Variants in KSR2 observed in about 807,000 individuals in gnomAD.
KSR2 encodes kinase suppressor of ras 2.
KSR2 carries 25 observed loss-of-function variants against 107.8 expected under a neutral mutation model. The ratio of observed to expected loss-of-function variants is 0.23; its 90% confidence interval spans 0.17 to 0.32. KSR2 has a LOEUF of 0.32. Ranked by LOEUF, KSR2 falls within the 10% of genes least tolerant of loss-of-function variation. The probability of loss-of-function intolerance (pLI) is 1.00; values close to 1 mark genes in which losing one functional copy is unlikely to be tolerated. For missense variants in KSR2, 887 were observed against 1,268.9 expected (o/e 0.70, Z 4.57); for synonymous variants, 480 against 507.0 (o/e 0.95, Z 0.71).
intron 1 of KSR2, among the ~76,000 whole-genome samples, chr12:117,948,373 C>T (rs531770725): frequency 8.0e-4 from 121 of 152,150 alleles, no homozygotes; most frequent in African/African-American, 2.8e-3. Context: ...GCCTGTAACC[C>T]CAGCTACTCG....
intron 3 of KSR2, among the ~76,000 whole-genome samples, chr12:117,817,884 T>C (rs1383839434): frequency 6.6e-6 from 1 of 152,184 alleles, no homozygotes; most frequent in East Asian, 1.9e-4. Flanking sequence ...GTGGATCACT[T>C]GAGGTCAGGA....
In KSR2 at chr12:117,476,487, C is replaced by T; in HGVS notation, c.2559G>A (p.Lys853=). ...DTEEDKLPFS[K]HSDVFALGTI... ...ACCCAAGGGCAAAGACGTCAGAGTGCTTGGAGAAGGGGAGCTTATCCTCCT... is the reference window on the plus strand; with the variant it reads ...ACCCAAGGGCAAAGACGTCAGAGTGTTTGGAGAAGGGGAGCTTATCCTCCT... The change falls in exon 17 of 20, where the codon AAG becomes AAA. Residue 853 remains lysine, a synonymous_variant. Coordinates refer to ENST00000339824, the MANE Select transcript of KSR2 (RefSeq NM_173598.6). The T allele has an allele frequency of 2.5e-6, 4 of 1,604,774 alleles. No homozygotes were observed. Among genetic ancestry groups the T allele is most frequent in the Non-Finnish European group, 3.4e-6 (4 of 1,175,764 alleles).
intron 9 of KSR2, among the ~76,000 whole-genome samples, chr12:117,543,319 T>A (rs1876634761): frequency 6.6e-6 from 1 of 152,354 alleles, no homozygotes; most frequent in East Asian, 1.9e-4. Context: ...GCCTTTCTAA[T>A]TGGAGTGTAG....
chr12:117,843,091 C>T (rs147075854), intron 3 of KSR2, among the ~76,000 whole-genome samples: 2 of 152,210 alleles, frequency 1.3e-5, no homozygotes, highest in East Asian at 1.9e-4. Context: ...AGTGTTTATA[C>T]GAACACAGTG....
At chr12:117,697,731 C>G (rs576722064) in intron 4 of KSR2, among the ~76,000 whole-genome samples, 5 of 140,842 alleles carry the variant, frequency 3.6e-5, no homozygotes, top group Non-Finnish European at 7.6e-5. Context: ...CAGAGCGAGA[C>G]TCCATCTCAA....
At chr12:117,616,589 T>C (rs1324520133) in intron 5 of KSR2, among the ~76,000 whole-genome samples, 1 of 152,210 alleles carries the variant, frequency 6.6e-6, no homozygotes, top group Non-Finnish European at 1.5e-5. Context: ...TGAGGTCATA[T>C]AAAGACCTGT....
intron 4 of KSR2, among the ~76,000 whole-genome samples, chr12:117,671,417 G>A: frequency 6.6e-6 from 1 of 152,132 alleles, no homozygotes; most frequent in Admixed American, 6.5e-5. Context: ...TTTCAGATTT[G>A]CTGTCTTCCA....
chr12:117,734,461 C>A (rs1483695639), intron 4 of KSR2, among the ~76,000 whole-genome samples: 2 of 152,076 alleles, frequency 1.3e-5, no homozygotes, highest in African/African-American at 4.8e-5. Flanking sequence ...AGATGAAAAT[C>A]TCACTAACAT....
intron 4 of KSR2, among the ~76,000 whole-genome samples, chr12:117,716,284 A>G (rs536249516): frequency 6.6e-6 from 1 of 152,332 alleles, no homozygotes; most frequent in Non-Finnish European, 1.5e-5. Flanking sequence ...AATGAATTGA[A>G]ACCCAGAAAA....
rs565885901 is a variant in KSR2 at position 117,558,680 on chromosome 12, T to A, written c.1326-107A>T. ...ATGGGTGGATGGGTGGATGAATGGA[T>A]GGGTGAATGGATGGGTAGATGGATG... is the stretch of plus-strand genomic sequence containing the variant. On this transcript the variant is annotated intron_variant, in intron 7 of 19. Transcript: ENST00000339824. 94 of 781,894 alleles carry A rather than the reference T, an allele frequency of 1.2e-4. 2 individuals carry two copies. The South Asian group carries it at 1.3e-3, about 11-fold the overall frequency. The allele number at this position is 781,894 out of a possible 1,614,324, so 48.4% of individuals were successfully genotyped here. A position where few individuals can be genotyped will look rare whatever the true frequency, so the allele number is the denominator to read the frequency against.
chr12:117,873,990 G>A (rs1020378822), intron 1 of KSR2, among the ~76,000 whole-genome samples: 4 of 152,186 alleles, frequency 2.6e-5, no homozygotes, highest in African/African-American at 9.7e-5. Context: ...GATGTTGTTT[G>A]CGTTTTTTTG....
intron 13 of KSR2, among the ~76,000 whole-genome samples, chr12:117,526,253 G>A (rs1592956868): frequency 6.6e-6 from 1 of 152,232 alleles, no homozygotes; most frequent in African/African-American, 2.4e-5. Context: ...TGCTCAAGGT[G>A]TAGGGACCCA....
intron 3 of KSR2, among the ~76,000 whole-genome samples, chr12:117,854,295 G>C (rs1593307719): frequency 6.6e-6 from 1 of 152,312 alleles, no homozygotes; most frequent in South Asian, 2.1e-4. Flanking sequence ...GCGTGAGCCA[G>C]TGTGCCCGGC....
At chr12:117,505,668 T>C (rs774713897) in intron 14 of KSR2, among the ~76,000 whole-genome samples, 11 of 152,032 alleles carry the variant, frequency 7.2e-5, no homozygotes, top group Non-Finnish European at 1.5e-4. Flanking sequence ...TCCAGGAGAG[T>C]CAGGATACAT....
chr12:117,892,787 C>CAAAA (rs35897528), intron 1 of KSR2, among the ~76,000 whole-genome samples: 22 of 87,034 alleles, frequency 2.5e-4, no homozygotes, highest in Non-Finnish European at 3.9e-4. Context: ...GTGCTATGTG[C>CAAAA]AAAAAAAAAA....
intron 1 of KSR2, among the ~76,000 whole-genome samples, chr12:117,953,669 G>C (rs569323584): frequency 3.4e-4 from 52 of 152,264 alleles, no homozygotes; most frequent in African/African-American, 1.3e-3. Flanking sequence ...GAGTACAGGG[G>C]AGTTACTGCT....
rs761063521 is a variant in KSR2, at chr12:117,968,891, CGCTGCTGCT to C, written c.-645_-637del. ...GCGGCTGGCTGCTGTCTCCTCCCCG[CGCTGCTGCT>C]GCTGCTGCTGCTGCCGCCGCCGGGC... On this transcript the variant is annotated 5_prime_UTR_variant, in exon 1 of 20. Transcript: ENST00000339824. The C allele has an allele frequency of 6.5e-5, 16 of 247,560 alleles. No homozygotes were observed. Among genetic ancestry groups the C allele is most frequent in the African/African-American group, 2.1e-4 (9 of 42,516 alleles). The allele number at this position is 247,560 out of a possible 1,614,324, so 15.3% of individuals were successfully genotyped here.
At chr12:117,653,276 A>G (rs901204017) in intron 5 of KSR2, among the ~76,000 whole-genome samples, 1 of 152,234 alleles carries the variant, frequency 6.6e-6, no homozygotes, top group Non-Finnish European at 1.5e-5. Context: ...GCAAATCAAC[A>G]TATCTCTGGC....
chr12:117,659,776 C>T (rs762518504), intron 5 of KSR2, among the ~76,000 whole-genome samples: 1 of 152,184 alleles, frequency 6.6e-6, no homozygotes, highest in Admixed American at 6.5e-5. Context: ...AAATTGGCAG[C>T]CCCCAAACAA....
Sources: gnomAD v4.1 joint callset for allele counts (sites outside exome capture counted in the v4.1 genomes callset) on GRCh38, gnomAD v4.1.1 for gene constraint, MANE v1.5 for transcripts, NCBI Gene and HGNC (gene_info 2026-07-23, HGNC 2026-07-21) for gene names.